Variants in ULK4 observed in about 807,000 individuals in gnomAD.
ULK4 encodes inactive serine/threonine-protein kinase ULK4.
A neutral mutation model predicts 160.6 loss-of-function variants in ULK4; 133 were observed. That is an observed-to-expected ratio of 0.83 (90% confidence interval 0.72 to 0.96). ULK4 has a LOEUF of 0.96. ULK4 is among the 40% of genes least tolerant of loss of function. The probability of loss-of-function intolerance (pLI) is 0.00; values close to 1 mark genes in which losing one functional copy is unlikely to be tolerated. For missense variants in ULK4, 1,580 were observed against 1,499.5 expected, an observed-to-expected ratio of 1.05 and a Z score of -0.89; for synonymous variants, 534 against 539.8, an observed-to-expected ratio of 0.99 and a Z score of 0.15.
chr3:41,598,994 AGGCAGCCTGCATTCCTTTGCCTGT>A (rs1198245359), intron 31 of ULK4, among the ~76,000 whole-genome samples: 1 of 152,198 alleles, frequency 6.6e-6, no homozygotes, highest in African/African-American at 2.4e-5. Flanking sequence ...TAGTTTCTAG[AGGCAGCCTGCATTCCTTTGCCTGT>A]GGCACCCTTC....
intron 32 of ULK4, among the ~76,000 whole-genome samples, chr3:41,463,881 C>A (rs892357489): frequency 6.6e-6 from 1 of 151,674 alleles, no homozygotes; most frequent in African/African-American, 2.4e-5. Flanking sequence ...CATTTTTATC[C>A]TATTATATAG....
At chr3:41,295,088 G>T (rs1260556502) in intron 35 of ULK4, among the ~76,000 whole-genome samples, 1 of 152,208 alleles carries the variant, frequency 6.6e-6, no homozygotes, top group Non-Finnish European at 1.5e-5. Context: ...TGGTACTGGT[G>T]AAAGAACAGA....
At chr3:41,446,607 T>A (rs2083301927) in intron 34 of ULK4, among the ~76,000 whole-genome samples, 2 of 147,212 alleles carry the variant, frequency 1.4e-5, no homozygotes, top group Non-Finnish European at 3.0e-5. Flanking sequence ...ACCATCATTC[T>A]CAGCAAACTA....
chr3:41,266,631 A>G (rs1348644526), intron 35 of ULK4, among the ~76,000 whole-genome samples: 2 of 152,212 alleles, frequency 1.3e-5, no homozygotes, highest in South Asian at 4.1e-4. Flanking sequence ...AAGCCTAAGA[A>G]GATTATCCAA....
chr3:41,523,843 A>G (rs1176795078), intron 32 of ULK4, among the ~76,000 whole-genome samples: 1 of 152,232 alleles, frequency 6.6e-6, no homozygotes, highest in African/African-American at 2.4e-5. Context: ...TTTATACAGC[A>G]TTATTCACAA....
chr3:41,444,647 T>C (rs1287907238), intron 34 of ULK4, among the ~76,000 whole-genome samples: 2 of 152,144 alleles, frequency 1.3e-5, no homozygotes, highest in Non-Finnish European at 2.9e-5. Context: ...CCATTAATTA[T>C]GCAAAAGTAT....
chr3:41,919,112 A>AC (rs1336219754), intron 6 of ULK4, among the ~76,000 whole-genome samples: 3 of 152,180 alleles, frequency 2.0e-5, no homozygotes, highest in Non-Finnish European at 4.4e-5. Flanking sequence ...GGGCCATTCA[A>AC]ATCATCTGAA....
At chr3:41,378,309 G>A (rs1575488489) in intron 35 of ULK4, among the ~76,000 whole-genome samples, 3 of 151,076 alleles carry the variant, frequency 2.0e-5, no homozygotes, top group African/African-American at 4.9e-5. Flanking sequence ...CACCAGCATG[G>A]CACATGTATA....
At chr3:41,330,087 C>A (rs1021066223) in intron 35 of ULK4, among the ~76,000 whole-genome samples, 47 of 152,308 alleles carry the variant, frequency 3.1e-4, no homozygotes, top group African/African-American at 1.1e-3. Context: ...TCTCACAATC[C>A]TGCTGTCGCT....
chr3:41,535,446 T>C (rs1374474767), intron 32 of ULK4, among the ~76,000 whole-genome samples: 1 of 152,236 alleles, frequency 6.6e-6, no homozygotes, highest in African/African-American at 2.4e-5. Context: ...AGAACAATCA[T>C]TTCTACTCCT....
Position 41,455,501 on chromosome 3 carries a change from G to A in ULK4, c.3488C>T (p.Pro1163Leu). The A allele has an allele frequency of 1.2e-6, 2 of 1,613,904 alleles. No individual in the cohort carries two copies. Among genetic ancestry groups the A allele is most frequent in the Non-Finnish European group, 1.7e-6 (2 of 1,179,834 alleles). Residue 1163 changes from proline to leucine, a missense_variant, in exon 34 of 37, where the codon CCA becomes CTA. Physicochemically the swap from Pro to Leu is moderately conservative, Grantham distance 98. Coordinates refer to ENST00000301831, the MANE Select transcript of ULK4 (RefSeq NM_017886.4). ...PLTDLISLLI[P>L]LLPNEDPEIF... is the part of the protein sequence containing the mutation. ...GACATACAGGTGAGCTCTTACCAGT[G>A]GAATGAGCAGGCTAATCAGGTCTGT...
chr3:41,808,002 T>C (rs894780772), intron 19 of ULK4, among the ~76,000 whole-genome samples: 3 of 152,056 alleles, frequency 2.0e-5, no homozygotes, highest in Non-Finnish European at 4.4e-5. Flanking sequence ...CCACACAGAG[T>C]TGTCGTCGCG....
chr3:41,282,439 T>C (rs936510531), intron 35 of ULK4, among the ~76,000 whole-genome samples: 9 of 152,180 alleles, frequency 5.9e-5, no homozygotes, highest in African/African-American at 1.7e-4. Context: ...ATGGTACTGG[T>C]ACCAAAACAG....
chr3:41,416,370 C>T (rs73069192), intron 34 of ULK4, among the ~76,000 whole-genome samples: 1,856 of 152,270 alleles, frequency 0.012, 21 homozygotes, highest in Non-Finnish European at 0.02. Flanking sequence ...TACATTGTGG[C>T]AAGCACTGAG....
At chr3:41,955,356 T>A (rs756273529) in intron 1 of ULK4, 1 of 152,592 alleles carries the variant, frequency 6.6e-6, no homozygotes, top group Non-Finnish European at 1.5e-5. Flanking sequence ...AAAAACACAG[T>A]GGCTGCCCGT....
At chr3:41,720,922 T>C (rs1482881445) in intron 22 of ULK4, among the ~76,000 whole-genome samples, 1 of 152,132 alleles carries the variant, frequency 6.6e-6, no homozygotes, top group Admixed American at 6.6e-5. Flanking sequence ...CACATACACA[T>C]AGTTTGCTAT....
intron 35 of ULK4, among the ~76,000 whole-genome samples, chr3:41,255,238 T>C (rs1264875545): frequency 6.6e-6 from 1 of 151,496 alleles, no homozygotes; most frequent in Non-Finnish European, 1.5e-5. Flanking sequence ...TCCCAGCACT[T>C]TGGGAGGCCG....
chr3:41,673,340 G>A (rs9876835), intron 29 of ULK4, among the ~76,000 whole-genome samples: 5 of 151,892 alleles, frequency 3.3e-5, no homozygotes, highest in African/African-American at 1.2e-4. Flanking sequence ...GTAGTCAAAC[G>A]CACGACTTTT....
intron 16 of ULK4, among the ~76,000 whole-genome samples, chr3:41,895,198 C>A (rs1698112728): frequency 6.6e-6 from 1 of 151,992 alleles, no homozygotes; most frequent in African/African-American, 2.4e-5. Context: ...TCACTTGAGC[C>A]CAGGAGTTCA....
Sources: allele counts gnomAD v4.1 joint callset (sites outside exome capture counted in the v4.1 genomes callset), GRCh38; gene constraint gnomAD v4.1.1; transcripts MANE v1.5; gene names NCBI Gene and HGNC (gene_info 2026-07-23, HGNC 2026-07-21).